The following SDK1 variants were observed in gnomAD, a reference collection of about 807,000 sequenced individuals.
The protein encoded by SDK1 is protein sidekick-1.
SDK1 carries 157 observed loss-of-function variants against 245.5 expected under a neutral mutation model. That is an observed-to-expected ratio of 0.64 (90% CI 0.56 to 0.73). The LOEUF (loss-of-function observed/expected upper bound fraction) is 0.73. SDK1 is among the 30% of genes least tolerant of loss of function. The pLI is 0.00. For synonymous variants in SDK1, 1,647 were observed against 1,278.5 expected (o/e 1.29, Z -6.15); for missense variants, 3,583 against 3,002.3 (o/e 1.19, Z -4.52).
At chr7:3,397,392 A>G (rs1462381707) in intron 1 of SDK1, among the ~76,000 whole-genome samples, 1 of 151,218 alleles carries the variant, frequency 6.6e-6, no homozygotes, top group Non-Finnish European at 1.5e-5. Context: ...AAATTCTCTC[A>G]TTTTTTCTTT....
chr7:3,459,355 G>A (rs112046058), intron 1 of SDK1, among the ~76,000 whole-genome samples: 1 of 152,130 alleles, frequency 6.6e-6, no homozygotes, highest in Non-Finnish European at 1.5e-5. Context: ...GACTTGAAAT[G>A]CACAAATCGT....
intron 1 of SDK1, among the ~76,000 whole-genome samples, chr7:3,492,383 A>G (rs1017279679): frequency 2.6e-5 from 4 of 152,172 alleles, no homozygotes; most frequent in African/African-American, 9.6e-5. Context: ...AGTCCCAGCT[A>G]CTCAGGAGGC....
chr7:3,318,035 T>A (rs565336073), intron 1 of SDK1, among the ~76,000 whole-genome samples: 1 of 152,308 alleles, frequency 6.6e-6, no homozygotes, highest in African/African-American at 2.4e-5. Flanking sequence ...TCCAGTTTCA[T>A]GAGTATTTGT....
intron 4 of SDK1, among the ~76,000 whole-genome samples, chr7:3,682,012 A>C (rs917554725): frequency 1.3e-5 from 2 of 152,352 alleles, no homozygotes; most frequent in African/African-American, 4.8e-5. Context: ...GTGAAAAGTA[A>C]ATGGGAGAAG....
chr7:3,582,108 C>A (rs1395894216), intron 1 of SDK1, among the ~76,000 whole-genome samples: 1 of 136,674 alleles, frequency 7.3e-6, no homozygotes, highest in Non-Finnish European at 1.6e-5. Context: ...AGGTAGGTCT[C>A]CCTCAGGTAG....
intron 4 of SDK1, among the ~76,000 whole-genome samples, chr7:3,735,112 A>T (rs923994595): frequency 1.3e-5 from 2 of 152,110 alleles, no homozygotes; most frequent in African/African-American, 4.8e-5. Context: ...AGCTCCATTA[A>T]TTGCTTTTAC....
chr7:4,266,957 G>A lies in SDK1; in HGVS notation c.*1573G>A, dbSNP rs1221581196. Reference sequence around the variant, plus strand: ...AGCAGTATCTGACCAGTGCCACCCAGGAGCCAGTCTCCTGGCCACATGCAG... The same window carrying A: ...AGCAGTATCTGACCAGTGCCACCCAAGAGCCAGTCTCCTGGCCACATGCAG... On this transcript the variant is annotated 3_prime_UTR_variant, in exon 45 of 45. Coordinates refer to ENST00000404826, the MANE Select transcript of SDK1 (RefSeq NM_152744.4). 3 of 985,478 alleles carry A rather than the reference G, an allele frequency of 3.0e-6. No individual in the cohort carries two copies. The highest frequency in any genetic ancestry group is 1.1e-4 in the East Asian group (1 of 8,804). The allele number at this position is 985,478 out of a possible 1,614,324, so 61.0% of individuals were successfully genotyped here.
At chr7:3,571,596 A>G (rs925745390) in intron 1 of SDK1, among the ~76,000 whole-genome samples, 1 of 152,082 alleles carries the variant, frequency 6.6e-6, no homozygotes, top group African/African-American at 2.4e-5. Flanking sequence ...GAGCCACGAC[A>G]TCTGGCCTGA....
chr7:3,429,267 G>T (rs1265410338), intron 1 of SDK1, among the ~76,000 whole-genome samples: 3 of 152,032 alleles, frequency 2.0e-5, no homozygotes, highest in Non-Finnish European at 4.4e-5. Context: ...CCTCTAAAAT[G>T]CCAGGTCTTC....
intron 5 of SDK1, among the ~76,000 whole-genome samples, chr7:3,922,806 G>A (rs1057373483): frequency 6.6e-6 from 1 of 152,086 alleles, no homozygotes; most frequent in Non-Finnish European, 1.5e-5. Context: ...TTTCCAAGTC[G>A]GGGAAGTTTT....
chr7:4,172,429 C>T (rs893233766), intron 32 of SDK1, among the ~76,000 whole-genome samples: 3 of 152,154 alleles, frequency 2.0e-5, no homozygotes, highest in African/African-American at 7.2e-5. Flanking sequence ...TGTCGGAGAG[C>T]CTGGGGAGCA....
intron 1 of SDK1, among the ~76,000 whole-genome samples, chr7:3,441,367 G>A (rs2128588543): frequency 6.6e-6 from 1 of 152,058 alleles, no homozygotes; most frequent in South Asian, 2.1e-4. Flanking sequence ...CATGACATGT[G>A]TGGATCCAAA....
intron 22 of SDK1, among the ~76,000 whole-genome samples, chr7:4,108,253 C>T (rs973898006): frequency 4.6e-5 from 7 of 152,300 alleles, no homozygotes; most frequent in African/African-American, 1.7e-4. Flanking sequence ...AGGCCTCAGT[C>T]CTGTCTGACT....
At chr7:4,111,874 G>A (rs912039698) in intron 23 of SDK1, among the ~76,000 whole-genome samples, 2 of 152,190 alleles carry the variant, frequency 1.3e-5, no homozygotes, top group Non-Finnish European at 2.9e-5. Flanking sequence ...AGACAGAACT[G>A]AAAGCATTCC....
At chr7:3,731,976 G>T (rs895894931) in intron 4 of SDK1, among the ~76,000 whole-genome samples, 2 of 152,146 alleles carry the variant, frequency 1.3e-5, no homozygotes, top group African/African-American at 4.8e-5. Flanking sequence ...ATTTTTAGTA[G>T]AGATGGGGTT....
intron 4 of SDK1, among the ~76,000 whole-genome samples, chr7:3,736,002 A>G (rs1779308978): frequency 1.3e-5 from 2 of 152,160 alleles, no homozygotes; most frequent in African/African-American, 4.8e-5. Flanking sequence ...AGAAATGTCC[A>G]TTCAAGTCCT....
chr7:4,084,287 G>T (rs908913845), intron 22 of SDK1, among the ~76,000 whole-genome samples: 10 of 152,164 alleles, frequency 6.6e-5, no homozygotes, highest in African/African-American at 2.4e-4. Flanking sequence ...GATCTCTTTT[G>T]CTGAGTATCA....
At chr7:3,459,256 C>T (rs1780763493) in intron 1 of SDK1, among the ~76,000 whole-genome samples, 1 of 152,120 alleles carries the variant, frequency 6.6e-6, no homozygotes, top group Non-Finnish European at 1.5e-5. Context: ...TTTGTAGTAC[C>T]TTTTTATACT....
intron 1 of SDK1, among the ~76,000 whole-genome samples, chr7:3,471,566 C>T (rs559502463): frequency 2.0e-5 from 3 of 152,244 alleles, no homozygotes; most frequent in African/African-American, 4.8e-5. Context: ...ACCATTTAGA[C>T]GCAATTCAAT....
Sources: gnomAD v4.1 joint callset for allele counts (sites outside exome capture counted in the v4.1 genomes callset) on GRCh38, gnomAD v4.1.1 for gene constraint, MANE v1.5 for transcripts, NCBI Gene and HGNC (gene_info 2026-07-23, HGNC 2026-07-21) for gene names.